Variants in TMC1 observed in about 807,000 individuals in gnomAD.
The protein encoded by TMC1 is transmembrane channel like 1.
TMC1 carries 84 observed loss-of-function variants against 105.8 expected under a neutral mutation model. The observed-to-expected ratio is 0.79, with a 90% CI of 0.67 to 0.95. TMC1 has a LOEUF of 0.95. TMC1 is among the 40% of genes least tolerant of loss of function. TMC1 has a pLI of 0.00. For missense variants in TMC1, 817 were observed against 914.1 expected, an observed-to-expected ratio of 0.89 and a Z score of 1.37; for synonymous variants, 315 against 311.5, an observed-to-expected ratio of 1.01 and a Z score of -0.12.
intron 5 of TMC1, among the ~76,000 whole-genome samples, chr9:72,677,900 A>C (rs1158997759): frequency 1.3e-5 from 2 of 152,176 alleles, no homozygotes; most frequent in African/African-American, 4.8e-5. Flanking sequence ...CCTGATGAAT[A>C]AAGTGTGGTG....
rs1042239555 is a variant in TMC1, at chr9:72,837,182, C to T, written c.*1209C>T. ...GTGCCTGCTCACTTGTGACGTTTTCCCTTACCATCCAGCGTTCCTGGAGGA... is the reference window on the plus strand; with the variant it reads ...GTGCCTGCTCACTTGTGACGTTTTCTCTTACCATCCAGCGTTCCTGGAGGA... On this transcript the variant is annotated 3_prime_UTR_variant, in exon 24 of 24. Coordinates refer to ENST00000297784, the MANE Select transcript of TMC1 (RefSeq NM_138691.3). 6.6e-6 allele frequency: 1 copy of T among 152,144 alleles called. No individual in the cohort carries two copies. 9.4% of individuals were successfully genotyped at this position (152,144 alleles called of 1,614,324 possible). A position where few individuals can be genotyped will look rare whatever the true frequency, so the allele number is the denominator to read the frequency against.
chr9:72,541,251 C>A (rs1823671167), intron 1 of TMC1, among the ~76,000 whole-genome samples: 1 of 152,192 alleles, frequency 6.6e-6, no homozygotes, highest in Admixed American at 6.5e-5. Flanking sequence ...TCAATTCTTA[C>A]ATCTATGTCT....
At chr9:72,829,598 C>A (rs1829010485) in intron 21 of TMC1, among the ~76,000 whole-genome samples, 1 of 152,178 alleles carries the variant, frequency 6.6e-6, no homozygotes, top group Non-Finnish European at 1.5e-5. Flanking sequence ...AAACTCCCAT[C>A]ACTCATGTAA....
At chr9:72,531,460 C>T (rs1001636965) in intron 1 of TMC1, among the ~76,000 whole-genome samples, 4 of 152,156 alleles carry the variant, frequency 2.6e-5, no homozygotes, top group African/African-American at 9.7e-5. Context: ...ACACTATTAA[C>T]TCAGGATGAT....
rs1457328522 is a variant in TMC1 at position 72,688,729 on chromosome 9, AAAG to A, written c.42_44del (p.Glu14del). Reference sequence around the variant, plus strand: ...AACAGTACAAATCAAAGTGGAGGAAAAAGAAGACGAGACTGAGGAAAGCTCAAG... The same window carrying A: ...AACAGTACAAATCAAAGTGGAGGAAAAAGACGAGACTGAGGAAAGCTCAAG... On this transcript the variant is annotated inframe_deletion, in exon 6 of 24. Transcript: ENST00000297784. The A allele has an allele frequency of 3.7e-6, 6 of 1,612,070 alleles. No individual in the cohort carries two copies. Among genetic ancestry groups the A allele is most frequent in the Non-Finnish European group, 5.1e-6 (6 of 1,178,814 alleles).
chr9:72,674,303 T>C (rs958459408), intron 5 of TMC1, among the ~76,000 whole-genome samples: 2 of 151,524 alleles, frequency 1.3e-5, no homozygotes, highest in Non-Finnish European at 2.9e-5. Context: ...AAAATTTATA[T>C]GAAAATGCAA....
At chr9:72,675,464 G>A (rs1191174336) in intron 5 of TMC1, among the ~76,000 whole-genome samples, 3 of 152,102 alleles carry the variant, frequency 2.0e-5, no homozygotes, top group Non-Finnish European at 4.4e-5. Context: ...AAGGATAATG[G>A]TGAATTAAAA....
intron 5 of TMC1, among the ~76,000 whole-genome samples, chr9:72,684,149 A>G (rs1265038813): frequency 6.6e-6 from 1 of 152,172 alleles, no homozygotes; most frequent in African/African-American, 2.4e-5. Flanking sequence ...GGTTCATTTC[A>G]TAGCCTACAT....
intron 5 of TMC1, among the ~76,000 whole-genome samples, chr9:72,683,008 A>T (rs532805877): frequency 6.6e-6 from 1 of 152,310 alleles, no homozygotes; most frequent in Admixed American, 6.5e-5. Flanking sequence ...GTGAGAACTC[A>T]CTATTCCAGG....
At chr9:72,569,593 T>G (rs1476342606) in intron 1 of TMC1, among the ~76,000 whole-genome samples, 1 of 151,618 alleles carries the variant, frequency 6.6e-6, no homozygotes, top group African/African-American at 2.4e-5. Flanking sequence ...GGCAGGGCAT[T>G]TAGGCAGAGG....
chr9:72,832,372 A>G (rs2118337695), intron 23 of TMC1, among the ~76,000 whole-genome samples: 1 of 152,332 alleles, frequency 6.6e-6, no homozygotes, highest in African/African-American at 2.4e-5. Flanking sequence ...GAATGGATGC[A>G]GCAACTTCCA....
intron 21 of TMC1, among the ~76,000 whole-genome samples, chr9:72,828,987 T>C (rs1352594347): frequency 6.6e-6 from 1 of 152,224 alleles, no homozygotes; most frequent in African/African-American, 2.4e-5. Flanking sequence ...CTGGCAGTCA[T>C]CTTCATCCTG....
chr9:72,628,282 G>A (rs560701993), intron 4 of TMC1: 22 of 273,986 alleles, frequency 8.0e-5, no homozygotes, highest in African/African-American at 4.9e-4. Context: ...GTTTGAGGTA[G>A]GGCGAGAGGG....
intron 18 of TMC1, among the ~76,000 whole-genome samples, chr9:72,805,763 C>T (rs1828564853): frequency 6.6e-6 from 1 of 151,792 alleles, no homozygotes; most frequent in Admixed American, 6.6e-5. Flanking sequence ...AGCATGCTGC[C>T]TTCAAGCATC....
intron 12 of TMC1, among the ~76,000 whole-genome samples, chr9:72,768,279 C>T (rs138411197): frequency 0.091 from 13,698 of 150,700 alleles, 786 homozygotes; most frequent in Non-Finnish European, 0.14. Context: ...ACAATGAGAA[C>T]GCATGGACAC....
In TMC1 at chr9:72,834,032, T is replaced by C. The variant is rs556335033; in HGVS notation, c.2261-1919T>C. ...ATTCTTTCCATCCATTTTCTGTTTT[T>C]TTTTTTTTCATGTAGAATTTCTAAT... On this transcript the variant is annotated intron_variant, in intron 23 of 23. Transcript: ENST00000297784. Among the ~76,000 whole-genome samples the C allele has an allele frequency of 2.6e-5, 4 of 151,988 alleles. No individual in the cohort carries two copies. The East Asian group carries it at 7.7e-4, about 29-fold the overall frequency.
intron 4 of TMC1, among the ~76,000 whole-genome samples, chr9:72,643,769 T>C (rs1825665518): frequency 6.6e-6 from 1 of 152,204 alleles, no homozygotes; most frequent in Admixed American, 6.5e-5. Context: ...GACATATGCT[T>C]TCATTTCTCT....
intron 8 of TMC1, among the ~76,000 whole-genome samples, chr9:72,704,672 G>A (rs1177922285): frequency 1.3e-5 from 2 of 152,054 alleles, no homozygotes; most frequent in Non-Finnish European, 2.9e-5. Flanking sequence ...CATCATCACT[G>A]TGGAAATTGT....
intron 1 of TMC1, among the ~76,000 whole-genome samples, chr9:72,541,362 T>A (rs2132064442): frequency 6.6e-6 from 1 of 152,294 alleles, no homozygotes; most frequent in Non-Finnish European, 1.5e-5. Flanking sequence ...TGAATAAGTA[T>A]TTGTCTGAAT....
Sources: allele counts gnomAD v4.1 joint callset (sites outside exome capture counted in the v4.1 genomes callset), GRCh38; gene constraint gnomAD v4.1.1; transcripts MANE v1.5; gene names NCBI Gene and HGNC (gene_info 2026-07-23, HGNC 2026-07-21).